RANBP2: variants seen among roughly 807,000 people sequenced by gnomAD.
RANBP2 encodes E3 SUMO-protein ligase RanBP2.
RANBP2 carries 57 observed loss-of-function variants against 303.6 expected under a neutral mutation model. That is an observed-to-expected ratio of 0.19 (90% CI 0.15 to 0.23). The LOEUF is 0.23. Ranked by LOEUF, RANBP2 falls within the 10% of genes least tolerant of loss-of-function variation. The pLI is 1.00. For synonymous variants in RANBP2, 1,167 were observed against 1,301.5 expected (o/e 0.90, Z 2.23); for missense variants, 3,138 against 3,780.8 (o/e 0.83, Z 4.46).
At chr2:109,236,963 G>C in the RANBP2 span, among the ~76,000 whole-genome samples, 3 of 152,054 alleles carry the variant, frequency 2.0e-5, no homozygotes, top group Non-Finnish European at 4.4e-5. Context: ...CTGGCCTAAG[G>C]GTTTAATATT....
At chr2:109,689,044 T>C in the RANBP2 span, among the ~76,000 whole-genome samples, 5 of 151,824 alleles carry the variant, frequency 3.3e-5, no homozygotes, top group African/African-American at 9.6e-5. Context: ...GTAGGTGGGA[T>C]TACAGGCACC....
chr2:109,431,480 A>G, the RANBP2 span, among the ~76,000 whole-genome samples: 4 of 152,250 alleles, frequency 2.6e-5, no homozygotes, highest in African/African-American at 7.2e-5. Context: ...ATATAGGTAT[A>G]GTTAAGTATT....
At chr2:109,041,578 A>G in the RANBP2 span, among the ~76,000 whole-genome samples, 1 of 147,532 alleles carries the variant, frequency 6.8e-6, no homozygotes, top group Non-Finnish European at 1.5e-5. Flanking sequence ...GCTGCAGTGC[A>G]GTGGCTCGAT....
chr2:109,478,776 C>A, the RANBP2 span, among the ~76,000 whole-genome samples: 2 of 152,170 alleles, frequency 1.3e-5, no homozygotes, highest in Admixed American at 1.3e-4. Context: ...CAGGTTGGGT[C>A]TAGCCCTGGG....
At chr2:108,905,046 G>T in the RANBP2 span, among the ~76,000 whole-genome samples, 1 of 152,140 alleles carries the variant, frequency 6.6e-6, no homozygotes. Context: ...TTTAATTAAA[G>T]ACAAAACAAA....
chr2:109,270,916 G>A, the RANBP2 span, among the ~76,000 whole-genome samples: 2 of 152,210 alleles, frequency 1.3e-5, no homozygotes, highest in African/African-American at 4.8e-5. Context: ...GCATCAGGAG[G>A]GAGACACCAG....
chr2:109,024,293 A>G, the RANBP2 span, among the ~76,000 whole-genome samples: 1 of 152,340 alleles, frequency 6.6e-6, no homozygotes, highest in East Asian at 1.9e-4. Context: ...GTTATCATGA[A>G]TGTACAAAAA....
chr2:108,798,406 A>G, the RANBP2 span: 3 of 1,598,372 alleles, frequency 1.9e-6, no homozygotes, highest in Non-Finnish European at 2.6e-6. Flanking sequence ...CAAGAGCATT[A>G]AAGTCTGGCA....
chr2:109,627,964 A>G, the RANBP2 span, among the ~76,000 whole-genome samples: 1 of 152,312 alleles, frequency 6.6e-6, no homozygotes, highest in Admixed American at 6.5e-5. Flanking sequence ...TTTGTGGTGA[A>G]CATACATACA....
chr2:109,205,865 C>A, the RANBP2 span, among the ~76,000 whole-genome samples: 1 of 152,182 alleles, frequency 6.6e-6, no homozygotes, highest in East Asian at 1.9e-4. Context: ...TTTCTCCTTT[C>A]CGCTTCCTGT....
At chr2:109,717,582 CAAAA>C in the RANBP2 span, among the ~76,000 whole-genome samples, 4 of 144,490 alleles carry the variant, frequency 2.8e-5, no homozygotes, top group Non-Finnish European at 6.1e-5. Flanking sequence ...AACTCCATCT[CAAAA>C]AACAAAAACA....
the RANBP2 span, among the ~76,000 whole-genome samples, chr2:109,303,824 C>T: frequency 1.4e-4 from 22 of 152,148 alleles, no homozygotes; most frequent in African/African-American, 4.6e-4. Flanking sequence ...CCATCAAGAC[C>T]GTGAACAAGT....
chr2:109,498,500 G>A, the RANBP2 span, among the ~76,000 whole-genome samples: 1 of 152,194 alleles, frequency 6.6e-6, no homozygotes, highest in Non-Finnish European at 1.5e-5. Context: ...CAAAGCCATG[G>A]CTTCTGCGCC....
the RANBP2 span, among the ~76,000 whole-genome samples, chr2:109,281,038 C>G: frequency 6.6e-6 from 1 of 152,150 alleles, no homozygotes; most frequent in African/African-American, 2.4e-5. Flanking sequence ...CCATGCTGTC[C>G]CCAGAGCCGA....
At chr2:108,915,565 A>C in the RANBP2 span, among the ~76,000 whole-genome samples, 35 of 152,146 alleles carry the variant, frequency 2.3e-4, no homozygotes, top group Non-Finnish European at 4.4e-4. Flanking sequence ...TTGCTTTCTT[A>C]ATTTAGCCTC....
chr2:109,262,731 C>T, the RANBP2 span, among the ~76,000 whole-genome samples: 1 of 152,328 alleles, frequency 6.6e-6, no homozygotes, highest in African/African-American at 2.4e-5. Context: ...GCTTTGTTCT[C>T]ACTTACCTCC....
At chr2:109,326,523 T>A in the RANBP2 span, among the ~76,000 whole-genome samples, 1 of 152,210 alleles carries the variant, frequency 6.6e-6, no homozygotes, top group Non-Finnish European at 1.5e-5. Flanking sequence ...GCCAGACTTT[T>A]AAATTTTTGC....
At chr2:108,974,767 G>T in the RANBP2 span, among the ~76,000 whole-genome samples, 1 of 151,978 alleles carries the variant, frequency 6.6e-6, no homozygotes, top group South Asian at 2.1e-4. Flanking sequence ...TTCAGATAAA[G>T]AAACTGAAAC....
chr2:109,703,214 G>C, the RANBP2 span, among the ~76,000 whole-genome samples: 1 of 152,184 alleles, frequency 6.6e-6, no homozygotes, highest in Admixed American at 6.5e-5. Flanking sequence ...TGGGCTCCCA[G>C]GCATTTACCA....
Sources: gnomAD v4.1 joint callset for allele counts (sites outside exome capture counted in the v4.1 genomes callset) on GRCh38, gnomAD v4.1.1 for gene constraint, MANE v1.5 for transcripts, NCBI Gene and HGNC (gene_info 2026-07-23, HGNC 2026-07-21) for gene names.